Variants in ADAMTSL1 observed in about 807,000 individuals in gnomAD.
ADAMTSL1 encodes the protein ADAMTS like 1, also known as ADAMTS-like protein 1.
Under a neutral mutation model 201.8 loss-of-function variants are expected in ADAMTSL1, and 126 were observed. The observed-to-expected ratio is 0.62, with a 90% CI of 0.54 to 0.72. The LOEUF (loss-of-function observed/expected upper bound fraction) is 0.72, where lower values mean the gene tolerates loss of function less well. ADAMTSL1 is among the 30% of genes least tolerant of loss of function. ADAMTSL1 has a pLI of 0.00. For missense variants in ADAMTSL1, 2,679 were observed against 2,277.8 expected, an observed-to-expected ratio of 1.18 and a Z score of -3.59; for synonymous variants, 1,121 against 903.4, an observed-to-expected ratio of 1.24 and a Z score of -4.32.
chr9:18,831,016 G>T (rs1438430015), intron 23 of ADAMTSL1, among the ~76,000 whole-genome samples: 2 of 152,108 alleles, frequency 1.3e-5, no homozygotes, highest in Admixed American at 1.3e-4. Context: ...CAGTCGTATT[G>T]GTGATGACTT....
At chr9:18,138,246 A>G (rs1564021330) in intron 1 of ADAMTSL1, among the ~76,000 whole-genome samples, 1 of 152,076 alleles carries the variant, frequency 6.6e-6, no homozygotes. Context: ...TATGTATTAT[A>G]ATTATTATAC....
intron 18 of ADAMTSL1, 41 bp from the exon 19 acceptor site, chr9:18,776,740 C>A: frequency 6.7e-7 from 1 of 1,502,492 alleles, no homozygotes; most frequent in South Asian, 1.3e-5. Context: ...TTCTCTCTCC[C>A]CACCTCTTTC....
At chr9:18,522,034 C>A (rs1249243816) in intron 2 of ADAMTSL1, among the ~76,000 whole-genome samples, 2 of 152,280 alleles carry the variant, frequency 1.3e-5, no homozygotes, top group African/African-American at 2.4e-5. Flanking sequence ...GCTTTACACA[C>A]AGGGTCCAGT....
intron 1 of ADAMTSL1, among the ~76,000 whole-genome samples, chr9:18,090,235 A>T (rs1476808260): frequency 4.6e-5 from 7 of 152,196 alleles, no homozygotes; most frequent in Non-Finnish European, 2.9e-5. Context: ...GTGATTCAGG[A>T]TTCCACTCCT....
At chr9:18,862,393 T>C (rs978986594) in intron 23 of ADAMTSL1, among the ~76,000 whole-genome samples, 7 of 152,124 alleles carry the variant, frequency 4.6e-5, no homozygotes, top group African/African-American at 1.4e-4. Flanking sequence ...TGCCTTTCCA[T>C]TGGCTGGAGT....
At chr9:18,830,911 C>T (rs1173829276) in intron 23 of ADAMTSL1, among the ~76,000 whole-genome samples, 1 of 152,166 alleles carries the variant, frequency 6.6e-6, no homozygotes, top group African/African-American at 2.4e-5. Flanking sequence ...CAAATGTTGA[C>T]AATAACAGCT....
chr9:18,371,544 A>G (rs1837043507), intron 2 of ADAMTSL1, among the ~76,000 whole-genome samples: 1 of 152,226 alleles, frequency 6.6e-6, no homozygotes. Flanking sequence ...GCTAAAGCAT[A>G]ATAGTTTTAT....
At chr9:18,417,115 G>A (rs576552290) in intron 2 of ADAMTSL1, among the ~76,000 whole-genome samples, 8 of 151,916 alleles carry the variant, frequency 5.3e-5, no homozygotes, top group African/African-American at 1.9e-4. Context: ...ATAACAAAAA[G>A]ATCTCTGCAA....
At chr9:18,242,765 T>TA (rs1831119037) in intron 2 of ADAMTSL1, among the ~76,000 whole-genome samples, 1 of 152,200 alleles carries the variant, frequency 6.6e-6, no homozygotes, top group African/African-American at 2.4e-5. Flanking sequence ...GATAGTTTTT[T>TA]AAAAAATTAG....
At chr9:18,528,386 C>G (rs1176760851) in intron 2 of ADAMTSL1, among the ~76,000 whole-genome samples, 2 of 152,028 alleles carry the variant, frequency 1.3e-5, no homozygotes, top group Admixed American at 6.6e-5. Context: ...GTTGTTACCC[C>G]CATGTATACA....
chr9:18,045,491 G>C (rs1467062271), intron 1 of ADAMTSL1, among the ~76,000 whole-genome samples: 1 of 152,012 alleles, frequency 6.6e-6, no homozygotes, highest in Non-Finnish European at 1.5e-5. Context: ...ACTAAAACTT[G>C]GCATTATGTT....
At chr9:18,041,997 G>T (rs1821445090) in intron 1 of ADAMTSL1, among the ~76,000 whole-genome samples, 1 of 150,496 alleles carries the variant, frequency 6.6e-6, no homozygotes, top group South Asian at 2.1e-4. Flanking sequence ...GTTATATATT[G>T]TTTCCAGTCA....
At chr9:18,420,154 G>GTAATACTGTATATATACACT (rs1295583069) in intron 2 of ADAMTSL1, among the ~76,000 whole-genome samples, 2 of 152,162 alleles carry the variant, frequency 1.3e-5, no homozygotes, top group African/African-American at 4.8e-5. Flanking sequence ...TACTTTTAAT[G>GTAATACTGTATATATACACT]GTGAAAACCG....
At chr9:18,280,332 G>C (rs1381764836) in intron 2 of ADAMTSL1, among the ~76,000 whole-genome samples, 1 of 151,850 alleles carries the variant, frequency 6.6e-6, no homozygotes, top group Non-Finnish European at 1.5e-5. Context: ...GGCCTAAGGG[G>C]GTGGCTTGGC....
chr9:18,654,146 T>C (rs574221593), intron 7 of ADAMTSL1, among the ~76,000 whole-genome samples: 1 of 152,328 alleles, frequency 6.6e-6, no homozygotes, highest in South Asian at 2.1e-4. Flanking sequence ...GGAAAATTGC[T>C]TGAACCCAGG....
chr9:18,263,902 T>A (rs1213804752), intron 2 of ADAMTSL1, among the ~76,000 whole-genome samples: 4 of 152,186 alleles, frequency 2.6e-5, no homozygotes, highest in African/African-American at 9.7e-5. Flanking sequence ...ACTTTTAGCT[T>A]CCAGAACTGT....
intron 21 of ADAMTSL1, among the ~76,000 whole-genome samples, chr9:18,819,362 A>G (rs1466433022): frequency 6.6e-6 from 1 of 151,958 alleles, no homozygotes; most frequent in Admixed American, 6.6e-5. Context: ...AGGCTGAGGC[A>G]TGAGAGTCAC....
chr9:18,117,329 C>A (rs1245800500), intron 1 of ADAMTSL1, among the ~76,000 whole-genome samples: 3 of 152,106 alleles, frequency 2.0e-5, no homozygotes, highest in Non-Finnish European at 4.4e-5. Context: ...CATCATCTGG[C>A]CCTCGTTACT....
At chr9:18,328,436 G>A (rs1272333270) in intron 2 of ADAMTSL1, among the ~76,000 whole-genome samples, 3 of 152,160 alleles carry the variant, frequency 2.0e-5, no homozygotes, top group Admixed American at 1.3e-4. Flanking sequence ...CATACCAGGT[G>A]TCATTTTAAA....
Sources: allele counts gnomAD v4.1 joint callset (sites outside exome capture counted in the v4.1 genomes callset), GRCh38; gene constraint gnomAD v4.1.1; transcripts MANE v1.5; gene names NCBI Gene and HGNC (gene_info 2026-07-23, HGNC 2026-07-21).